Variants in GRIN2C observed in about 807,000 individuals in gnomAD.
The protein encoded by GRIN2C is glutamate ionotropic receptor NMDA type subunit 2C.
GRIN2C carries 64 observed loss-of-function variants against 77.7 expected under a neutral mutation model. The observed-to-expected ratio is 0.82, with a 90% CI of 0.67 to 1.01. The LOEUF (loss-of-function observed/expected upper bound fraction) is 1.01. GRIN2C is among the 50% of genes least tolerant of loss of function. The pLI is 0.00. For missense variants in GRIN2C, 1,549 were observed against 1,486.0 expected (o/e 1.04, Z -0.70); for synonymous variants, 792 against 643.4 (o/e 1.23, Z -3.49).
chr17:74,846,912 C>T lies in GRIN2C; in HGVS notation c.2010G>A (p.Arg670=). 13 of 1,607,036 alleles carry T rather than the reference C, an allele frequency of 8.1e-6. No individual in the cohort carries two copies. Among genetic ancestry groups the T allele is most frequent in the Non-Finnish European group, 1.1e-5 (13 of 1,174,846 alleles). The change falls in exon 10 of 13, where the codon CGG becomes CGA. Residue 670 remains arginine (R), a synonymous_variant. Transcript: ENST00000293190. This position sits in a 1 kb window ranked among gnomAD's most constrained non-coding sequence, Gnocchi z 4.4. Reference sequence around the variant, plus strand: ...GGAAAGGTGGGTACTGATCTTGAGGCCGCTGAAACTGCAGGCGGAGGGCAG... The same window carrying T: ...GGAAAGGTGGGTACTGATCTTGAGGTCGCTGAAACTGCAGGCGGAGGGCAG... The part of the protein sequence containing the change: ...VSGLSDKKFQ[R]PQDQYPPFRF...
At chr17:74,845,039 C>A (rs918242611) in intron 11 of GRIN2C, among the ~76,000 whole-genome samples, 1 of 151,580 alleles carries the variant, frequency 6.6e-6, no homozygotes, top group African/African-American at 2.4e-5. Context: ...TCAAGCGATC[C>A]TTCCACCTCA....
rs887904770 is a variant in GRIN2C at position 74,849,351 on chromosome 17, C to G, written c.1645+429G>C. ...GGAAGGCAAAGACTACGCTGTAGCC[C>G]CAGCACCCAGCATGGGACCTGGCTG... On this transcript the variant is annotated intron_variant, in intron 7 of 12. Transcript: ENST00000293190. This position sits in a 1 kb window ranked among gnomAD's most constrained non-coding sequence, Gnocchi z 4.6. 4.6e-5 allele frequency among the ~76,000 whole-genome samples: 7 copies of G among 152,194 alleles called. No homozygotes were observed. Among genetic ancestry groups the G allele is most frequent in the Non-Finnish European group, 1.0e-4 (7 of 68,032 alleles).
At chr17:74,860,851 G>T (rs897473531), upstream of GRIN2C, 13 of 288,746 alleles carry the variant, frequency 4.5e-5, no homozygotes, top group Non-Finnish European at 8.8e-5. Context: ...CGCGGCGGGG[G>T]AAGGGGTCTG....
intron 1 of GRIN2C, among the ~76,000 whole-genome samples, chr17:74,857,754 C>T (rs892447273): frequency 2.6e-5 from 4 of 152,308 alleles, no homozygotes; most frequent in Middle Eastern, 6.8e-3. Context: ...CAGTCATACA[C>T]GACTATTGGG....
chr17:74,850,056 C>G lies in GRIN2C; in HGVS notation c.1492-123G>C. On this transcript the variant is annotated intron_variant, in intron 6 of 12. Coordinates refer to ENST00000293190, the MANE Select transcript of GRIN2C (RefSeq NM_000835.6). The surrounding 1 kb of genome is among the most constrained non-coding windows in gnomAD (Gnocchi z 5.3). ...TGAGTCAATCATTCCCTCTGGGGCC[C>G]TCAGAGCTCAGCTTTCAGTACTGAC... The G allele has an allele frequency of 7.4e-7, 1 of 1,355,102 alleles. No homozygotes were observed. The highest frequency in any genetic ancestry group is 1.0e-6 in the Non-Finnish European group (1 of 977,876). 83.9% of individuals were successfully genotyped at this position (1,355,102 alleles called of 1,614,324 possible). A position where few individuals can be genotyped will look rare whatever the true frequency, so the allele number is the denominator to read the frequency against.
chr17:74,851,291 A>C, intron 4 of GRIN2C: 1 of 402,382 alleles, frequency 2.5e-6, no homozygotes, highest in Non-Finnish European at 4.5e-6. Flanking sequence ...TCTGGCCAGC[A>C]TGGTCATGGG....
Position 74,847,450 on chromosome 17 carries a change from G to A in GRIN2C, c.1859C>T (p.Pro620Leu), listed in dbSNP as rs751104229. Residue 620 changes from proline (P) to leucine (L), a missense_variant, in exon 9 of 13, where the codon CCG becomes CTG. Coordinates refer to ENST00000293190, the MANE Select transcript of GRIN2C (RefSeq NM_000835.6). The surrounding 1 kb of genome is among the most constrained non-coding windows in gnomAD (Gnocchi z 5.2). ...CATGATCTTGCTGGTGGTGCCCCGC[G>A]GGTTCTCGATGGGCACTGAGTTGTT... Reference protein sequence around the residue: ...VFNNSVPIENPRGTTSKIMVL... With the variant: ...VFNNSVPIENLRGTTSKIMVL... 1.7e-5 allele frequency: 28 copies of A among 1,613,928 alleles called. No homozygotes were observed. In the East Asian group the frequency reaches 2.7e-4, roughly 15 times the overall value.
Position 74,842,587 on chromosome 17 carries a change from G to T in GRIN2C, c.3550C>A (p.Pro1184Thr), listed in dbSNP as rs772099186. 2 of 769,700 alleles carry T rather than the reference G, an allele frequency of 2.6e-6. No homozygotes were observed. The highest frequency in any genetic ancestry group is 2.7e-5 in the South Asian group (2 of 73,146). 47.7% of individuals were successfully genotyped at this position (769,700 alleles called of 1,614,324 possible). Reference sequence around the variant, plus strand: ...AGAGTCCTGCCCCTGTGCCCCAGAGGCCCCCAGGCCCCGGAGAGCCAGGAG... The same window carrying T: ...AGAGTCCTGCCCCTGTGCCCCAGAGTCCCCCAGGCCCCGGAGAGCCAGGAG... ...HGSWLSGAWG[P>T]LGHRGRTLGL... Residue 1184 changes from proline to threonine, a missense_variant, in exon 13 of 13, where the codon CCT (proline) becomes ACT (threonine). By Grantham distance (38) the Pro-to-Thr change is conservative. Transcript: ENST00000293190.
rs1383095018 is a variant in GRIN2C at position 74,849,631 on chromosome 17, C to T, written c.1645+149G>A. On this transcript the variant is annotated intron_variant, in intron 7 of 12. Transcript: ENST00000293190. This position sits in a 1 kb window ranked among gnomAD's most constrained non-coding sequence, Gnocchi z 4.6. ...GACTTCACTTCTCCTGTCTCCTTTC[C>T]ACTCACCTCCAGCCAACCTCCAAGA... The T allele has an allele frequency of 1.4e-6, 1 of 704,524 alleles. No individual in the cohort carries two copies. The highest frequency in any genetic ancestry group is 2.4e-6 in the Non-Finnish European group (1 of 421,006). 43.6% of individuals were successfully genotyped at this position (704,524 alleles called of 1,614,324 possible). A position where few individuals can be genotyped will look rare whatever the true frequency, so the allele number is the denominator to read the frequency against.
rs367702091 is a variant in GRIN2C, at chr17:74,843,293, G to C, written c.2844C>G (p.Thr948=). ...GGCTCGGCTCTGGGGGCGGGTCGGG[G>C]GTGGGCAGGCATGGGCTGGGGCCAG... ...PRSGPSPCLP[T]PDPPPEPSPT... The change falls in exon 13 of 13, where the codon ACC becomes ACG. Residue 948 remains threonine, a synonymous_variant. Coordinates refer to ENST00000293190, the MANE Select transcript of GRIN2C (RefSeq NM_000835.6). 1.5e-4 allele frequency: 178 copies of C among 1,192,458 alleles called. 1 individual carries two copies. In the East Asian group the frequency reaches 4.9e-3, roughly 33 times the overall value. 73.9% of individuals were successfully genotyped at this position (1,192,458 alleles called of 1,614,324 possible).
At position 74,851,145 on chromosome 17, in the gene GRIN2C, T is replaced by C. The variant is rs2037630675; in HGVS notation, c.1114-378A>G. 3 of 324,992 alleles carry C rather than the reference T, an allele frequency of 9.2e-6. No individual in the cohort carries two copies. The South Asian group carries it at 1.6e-4, about 18-fold the overall frequency. 20.1% of individuals were successfully genotyped at this position (324,992 alleles called of 1,614,324 possible). A position where few individuals can be genotyped will look rare whatever the true frequency, so the allele number is the denominator to read the frequency against. On this transcript the variant is annotated intron_variant, in intron 4 of 12. Coordinates refer to ENST00000293190, the MANE Select transcript of GRIN2C (RefSeq NM_000835.6). The stretch of plus-strand genomic sequence containing the variant: ...TCAAACCTCCACAGCCCAGCTCAAA[T>C]ATCCCATCTTCTGGGACCTCTTTCC...
rs771550935 is a variant in GRIN2C, at chr17:74,854,758, G to A, written c.335C>T (p.Ser112Phe). 1.2e-6 allele frequency: 2 copies of A among 1,613,542 alleles called. No individual in the cohort carries two copies. The highest frequency in any genetic ancestry group is 2.2e-5 in the South Asian group (2 of 91,012). The change falls in exon 2 of 13, where the codon TCC (serine) becomes TTC (phenylalanine). Residue 112 changes from serine to phenylalanine, a missense_variant. Ser to Phe is a radical substitution (Grantham distance 155). This residue lies in a region of GRIN2C where 382 missense variants were observed against 360.0 expected (regional missense o/e 1.06). Coordinates refer to ENST00000293190, the MANE Select transcript of GRIN2C (RefSeq NM_000835.6). ...GAGGATGGGCACATGGGTCTGGGAG[G>A]AGATGAAGTCAAGGATCTGGGCCAC... is the stretch of plus-strand genomic sequence containing the variant. ...EAVAQILDFISSQTHVPILSI... is the reference protein window; with the variant it reads ...EAVAQILDFIFSQTHVPILSI...
rs1026440987 is a variant in GRIN2C at position 74,855,120 on chromosome 17, C to T, written c.-15-13G>A. 1 of 1,538,834 alleles carries T rather than the reference C, an allele frequency of 6.5e-7. No homozygotes were observed. The highest frequency in any genetic ancestry group is 8.7e-7 in the Non-Finnish European group (1 of 1,149,100). ...CCACCGGAGGGTCCTGCGGAGAGAC[C>T]AGAACAAGCACAGGGAGAGAGACAG... On this transcript the variant is annotated splice_polypyrimidine_tract_variant and intron_variant, in intron 1 of 12. Transcript: ENST00000293190.
chr17:74,851,761 C>A, intron 3 of GRIN2C, 70 bp from the exon 4 acceptor site: 1 of 926,306 alleles, frequency 1.1e-6, no homozygotes, highest in Non-Finnish European at 1.7e-6. Context: ...CTCACCGCCG[C>A]CACCGACAGC....
chr17:74,860,601 A>G, upstream of GRIN2C: 1 of 430,106 alleles, frequency 2.3e-6, no homozygotes, highest in Non-Finnish European at 4.7e-6. Flanking sequence ...CGAAGCCCCC[A>G]GAGACCGGCG....
At chr17:74,843,647 TTCTA>T in intron 12 of GRIN2C, 94 bp from the exon 13 acceptor site, 1 of 1,460,308 alleles carries the variant, frequency 6.8e-7, no homozygotes, top group South Asian at 1.2e-5. Context: ...ATCATCAGTC[TTCTA>T]TAAGTCTCAG....
At chr17:74,851,197 A>G in intron 4 of GRIN2C, 1 of 307,812 alleles carries the variant, frequency 3.2e-6, no homozygotes, top group Non-Finnish European at 6.1e-6. Flanking sequence ...AGGCAGAACT[A>G]ATTCCTGTTC....
chr17:74,852,467 C>T lies in GRIN2C; in HGVS notation c.544G>A (p.Val182Met). The T allele has an allele frequency of 9.0e-6, 14 of 1,554,226 alleles. No homozygotes were observed. Among genetic ancestry groups the T allele is most frequent in the Admixed American group, 1.8e-5 (1 of 54,596 alleles). ...HPGHALFLEGVRAVADASHVS... is the reference protein window; with the variant it reads ...HPGHALFLEGMRAVADASHVS... ...TGGCTGGCGTCGGCGACGGCGCGCA[C>T]GCCCTCCAGGAAGAGCGCGTGGCCC... The change falls in exon 3 of 13, where the codon GTG (valine) becomes ATG (methionine). Residue 182 changes from valine to methionine, a missense_variant. Physicochemically the swap from Val to Met is conservative, Grantham distance 21. Coordinates refer to ENST00000293190, the MANE Select transcript of GRIN2C (RefSeq NM_000835.6).
rs2037464258 is a variant in GRIN2C at position 74,846,637 on chromosome 17, T to A, written c.2162+123A>T. The A allele has an allele frequency of 6.6e-6, 7 of 1,056,254 alleles. No individual in the cohort carries two copies. In the East Asian group the frequency reaches 1.7e-4, roughly 26 times the overall value. 65.4% of individuals were successfully genotyped at this position (1,056,254 alleles called of 1,614,324 possible). ...AAGCTCCACTCTGCCCCAAGACCTC[T>A]TCCCTCCACCCCACAGGAGTCCTGC... On this transcript the variant is annotated intron_variant, in intron 10 of 12. Transcript: ENST00000293190. This position sits in a 1 kb window ranked among gnomAD's most constrained non-coding sequence, Gnocchi z 4.4.
Sources: allele counts gnomAD v4.1 joint callset (sites outside exome capture counted in the v4.1 genomes callset), GRCh38; gene constraint gnomAD v4.1.1; regional missense constraint gnomAD v4.1.1; non-coding constraint Gnocchi (gnomAD v3.1); transcripts MANE v1.5; gene names NCBI Gene and HGNC (gene_info 2026-07-23, HGNC 2026-07-21).